The following RPTOR variants were observed in gnomAD, a reference collection of about 807,000 sequenced individuals.
RPTOR encodes the protein regulatory-associated protein of mTOR.
RPTOR carries 21 observed loss-of-function variants against 169.9 expected under a neutral mutation model. The observed-to-expected ratio is 0.12, with a 90% CI of 0.09 to 0.18. RPTOR has a LOEUF of 0.18. Ranked by LOEUF, RPTOR falls within the 10% of genes least tolerant of loss-of-function variation. The pLI, the probability that RPTOR is intolerant of heterozygous loss-of-function variation, is 1.00. For missense variants in RPTOR, 1,133 were observed against 1,855.9 expected (o/e 0.61, Z 7.16); for synonymous variants, 732 against 753.2 (o/e 0.97, Z 0.46).
chr17:80,870,616 T>C (rs1475393088), intron 13 of RPTOR, among the ~76,000 whole-genome samples: 1 of 152,228 alleles, frequency 6.6e-6, no homozygotes, highest in Admixed American at 6.5e-5. Flanking sequence ...GAGAGTGCCA[T>C]CTAGAGCGTG....
At chr17:80,819,340 G>C (rs1216656149) in intron 7 of RPTOR, among the ~76,000 whole-genome samples, 1 of 152,224 alleles carries the variant, frequency 6.6e-6, no homozygotes, top group African/African-American at 2.4e-5. Context: ...CCTTGCACAT[G>C]TTTGATGTAA....
chr17:80,948,233 G>A (rs2069126501), intron 27 of RPTOR, among the ~76,000 whole-genome samples: 1 of 152,250 alleles, frequency 6.6e-6, no homozygotes, highest in South Asian at 2.1e-4. Flanking sequence ...AGTCGGTTGT[G>A]CTGACAAGTG....
chr17:80,580,301 G>A (rs1022123764), intron 1 of RPTOR, among the ~76,000 whole-genome samples: 1 of 152,124 alleles, frequency 6.6e-6, no homozygotes, highest in African/African-American at 2.4e-5. Context: ...GAAATAACTG[G>A]ATAAATAATA....
chr17:80,858,663 G>A (rs190392124), intron 13 of RPTOR, among the ~76,000 whole-genome samples: 5 of 152,264 alleles, frequency 3.3e-5, no homozygotes, highest in Admixed American at 6.5e-5. Flanking sequence ...TCGTGTGGGC[G>A]AGACCCGGCC....
intron 3 of RPTOR, among the ~76,000 whole-genome samples, chr17:80,699,668 G>A (rs1598234515): frequency 9.9e-6 from 1 of 100,798 alleles, no homozygotes; most frequent in Non-Finnish European, 1.9e-5. Flanking sequence ...TAGAGGTGCT[G>A]TGCACGGTGC....
intron 3 of RPTOR, among the ~76,000 whole-genome samples, chr17:80,660,360 A>G (rs1344970081): frequency 1.3e-5 from 2 of 152,122 alleles, no homozygotes; most frequent in Non-Finnish European, 2.9e-5. Context: ...TAAAAATTCC[A>G]AAGAGAAAGT....
At chr17:80,761,749 C>T (rs912912693) in intron 6 of RPTOR, among the ~76,000 whole-genome samples, 4 of 152,192 alleles carry the variant, frequency 2.6e-5, no homozygotes, top group East Asian at 1.9e-4. Flanking sequence ...TTTCTTCTGC[C>T]CGTTCAGTGC....
At chr17:80,560,450 T>A (rs1308946343) in intron 1 of RPTOR, among the ~76,000 whole-genome samples, 1 of 152,104 alleles carries the variant, frequency 6.6e-6, no homozygotes, top group Non-Finnish European at 1.5e-5. Context: ...TGTTTTCCAG[T>A]CTATCAGGGC....
intron 18 of RPTOR, among the ~76,000 whole-genome samples, chr17:80,892,330 C>G (rs1017523047): frequency 6.6e-6 from 1 of 152,118 alleles, no homozygotes; most frequent in Non-Finnish European, 1.5e-5. Context: ...AGCAGTGAGG[C>G]CTCACTGCTT....
Position 80,730,205 on chromosome 17 carries a change from C to G in RPTOR, c.508-355C>G, listed in dbSNP as rs1472144406. On this transcript the variant is annotated intron_variant, in intron 4 of 33. Transcript: ENST00000306801. This position sits in a 1 kb window ranked among gnomAD's most constrained non-coding sequence, Gnocchi z 4.2. ...CACTGTAACCTTCGCCTCCCGGGTTCAGGTGATTCTCCTGCCTCAGCCTCC... is the reference window on the plus strand; with the variant it reads ...CACTGTAACCTTCGCCTCCCGGGTTGAGGTGATTCTCCTGCCTCAGCCTCC... Among the ~76,000 whole-genome samples the G allele has an allele frequency of 6.6e-6, 1 of 152,168 alleles. No individual in the cohort carries two copies. Among genetic ancestry groups the G allele is most frequent in the African/African-American group, 2.4e-5 (1 of 41,430 alleles).
intron 19 of RPTOR, 152 bp from the exon 20 acceptor site, chr17:80,893,555 C>A: frequency 1.1e-6 from 1 of 912,008 alleles, no homozygotes. Flanking sequence ...AGGGTGTGTG[C>A]GCACCAGGGT....
At chr17:80,749,740 C>T (rs1308782084) in intron 5 of RPTOR, among the ~76,000 whole-genome samples, 1 of 152,120 alleles carries the variant, frequency 6.6e-6, no homozygotes, top group African/African-American at 2.4e-5. Context: ...TTAGAGATGG[C>T]TTTGCTCTGT....
intron 9 of RPTOR, among the ~76,000 whole-genome samples, chr17:80,829,254 G>T (rs1233110986): frequency 1.3e-5 from 2 of 152,200 alleles, no homozygotes; most frequent in Non-Finnish European, 1.5e-5. Context: ...AATCATGACT[G>T]GTAGAGTGGC....
At chr17:80,558,758 G>A (rs998344604) in intron 1 of RPTOR, among the ~76,000 whole-genome samples, 3 of 151,936 alleles carry the variant, frequency 2.0e-5, no homozygotes, top group South Asian at 2.1e-4. Context: ...ATGTGCTCCC[G>A]GCCCTCTGTA....
chr17:80,681,512 C>T (rs34863264), intron 3 of RPTOR, among the ~76,000 whole-genome samples: 26,951 of 151,564 alleles, frequency 0.18, 2,854 homozygotes, highest in East Asian at 0.24. Flanking sequence ...TAGGGAAGGC[C>T]GGTGGTGCGG....
At chr17:80,905,799 G>A (rs1342370813) in intron 20 of RPTOR, among the ~76,000 whole-genome samples, 1 of 152,180 alleles carries the variant, frequency 6.6e-6, no homozygotes, top group Non-Finnish European at 1.5e-5. Flanking sequence ...CAGTCTGCCA[G>A]GGCCGCCGGG....
chr17:80,795,746 C>A (rs2067095095), intron 7 of RPTOR, among the ~76,000 whole-genome samples: 1 of 152,116 alleles, frequency 6.6e-6, no homozygotes, highest in South Asian at 2.1e-4. Context: ...CTGGGCACCT[C>A]CTTGCCTCTG....
intron 24 of RPTOR, among the ~76,000 whole-genome samples, chr17:80,934,884 A>C (rs1053006335): frequency 6.6e-6 from 1 of 152,130 alleles, no homozygotes; most frequent in Non-Finnish European, 1.5e-5. Flanking sequence ...CCAAGTCCTC[A>C]GCATCGTATT....
At chr17:80,685,644 T>TTTTAA (rs1555607052) in intron 3 of RPTOR, among the ~76,000 whole-genome samples, 1 of 72,300 alleles carries the variant, frequency 1.4e-5, no homozygotes, top group Non-Finnish European at 2.8e-5. Context: ...TTTTTTTTTT[T>TTTTAA]TTTTTTTTTT....
Sources: gnomAD v4.1 joint callset for allele counts (sites outside exome capture counted in the v4.1 genomes callset) on GRCh38, gnomAD v4.1.1 for gene constraint, Gnocchi (gnomAD v3.1) non-coding constraint, MANE v1.5 for transcripts, NCBI Gene and HGNC (gene_info 2026-07-23, HGNC 2026-07-21) for gene names.